Variants in CNNM1 observed in about 807,000 individuals in gnomAD.
CNNM1 encodes cyclin and CBS domain divalent metal cation transport mediator 1.
Under a neutral mutation model 78.8 loss-of-function variants are expected in CNNM1, and 44 were observed. The ratio of observed to expected loss-of-function variants is 0.56; its 90% CI spans 0.44 to 0.72. The LOEUF is 0.72. Among genes scored for constraint, CNNM1 ranks in the 30% least tolerant of loss-of-function variants. CNNM1 has a pLI of 0.00. For synonymous variants in CNNM1, 584 were observed against 581.5 expected, an observed-to-expected ratio of 1.00 and a Z score of -0.06; for missense variants, 1,101 against 1,292.2, an observed-to-expected ratio of 0.85 and a Z score of 2.27.
chr10:99,357,453 C>CA (rs946561682), intron 1 of CNNM1, 59 bp from the exon 2 acceptor site: 10 of 1,542,272 alleles, frequency 6.5e-6, no homozygotes, highest in Admixed American at 1.8e-5. Flanking sequence ...ATTTTTCTCA[C>CA]AAAAAAAGAT....
chr10:99,389,957 G>A (rs1257182890), intron 9 of CNNM1, among the ~76,000 whole-genome samples: 2 of 152,148 alleles, frequency 1.3e-5, no homozygotes, highest in African/African-American at 4.8e-5. Context: ...CTATCCTCAC[G>A]TGTGCTTTTA....
chr10:99,391,039 C>T (rs1410354031), intron 10 of CNNM1, among the ~76,000 whole-genome samples: 1 of 152,264 alleles, frequency 6.6e-6, no homozygotes, highest in African/African-American at 2.4e-5. Context: ...CAGCTACAGC[C>T]ACCAACCCTG....
intron 7 of CNNM1, among the ~76,000 whole-genome samples, chr10:99,386,388 A>C (rs986087193): frequency 1.3e-5 from 2 of 152,192 alleles, no homozygotes; most frequent in Admixed American, 6.5e-5. Flanking sequence ...AGTTAAACCC[A>C]AAAATCTTGT....
chr10:99,329,620 C>A lies in CNNM1; in HGVS notation c.233C>A (p.Pro78Gln). The part of the protein sequence containing the change: ...TSFLLRVYFQ[P>Q]GPPATAAPVP... ...TTCCTCCTGCGTGTCTATTTCCAGC[C>A]AGGACCGCCGGCCACCGCCGCACCG... Residue 78 changes from proline to glutamine, a missense_variant, in exon 1 of 11, where the codon CCA becomes CAA. Transcript: ENST00000356713. The A allele has an allele frequency of 1.3e-6, 2 of 1,509,058 alleles. No homozygotes were observed. The highest frequency in any genetic ancestry group is 1.8e-6 in the Non-Finnish European group (2 of 1,137,500). The allele number at this position is 1,509,058 out of a possible 1,614,324, so 93.5% of individuals were successfully genotyped here.
chr10:99,337,983 T>C (rs1448206664), intron 1 of CNNM1, among the ~76,000 whole-genome samples: 3 of 152,248 alleles, frequency 2.0e-5, no homozygotes, highest in Admixed American at 6.5e-5. Context: ...TAATATTTAT[T>C]ACAACAATTT....
At chr10:99,348,092 G>C (rs1364225316) in intron 1 of CNNM1, among the ~76,000 whole-genome samples, 2 of 150,880 alleles carry the variant, frequency 1.3e-5, no homozygotes, top group African/African-American at 4.9e-5. Flanking sequence ...ACCCAGGCTG[G>C]TGTGCATTGG....
intron 1 of CNNM1, among the ~76,000 whole-genome samples, chr10:99,331,443 A>T (rs184285521): frequency 6.6e-6 from 1 of 152,348 alleles, no homozygotes; most frequent in Admixed American, 6.5e-5. Context: ...CCTCATATAG[A>T]GCAGAATTTG....
chr10:99,364,958 A>G lies in CNNM1; in HGVS notation c.2132A>G (p.Asn711Ser), dbSNP rs1337426595. Residue 711 changes from asparagine to serine, a missense_variant, in exon 6 of 11, where the codon AAT becomes AGT. This residue lies in a region of CNNM1 where 348 missense variants were observed against 384.5 expected (regional missense o/e 0.90). Coordinates refer to ENST00000356713, the MANE Select transcript of CNNM1 (RefSeq NM_020348.3). Reference protein sequence around the residue: ...PAIMTTACSDNDVRKVGSLAG... With the variant: ...PAIMTTACSDSDVRKVGSLAG... The stretch of plus-strand genomic sequence containing the variant: ...CACTGCATGCTTCTGTCCTTAGATA[A>G]TGACGTGCGGAAGGTTGGAAGTCTG... 6.2e-7 allele frequency: 1 copy of G among 1,613,754 alleles called. No homozygotes were observed. Among genetic ancestry groups the G allele is most frequent in the African/African-American group, 1.3e-5 (1 of 74,904 alleles).
chr10:99,370,544 A>G lies in CNNM1; in HGVS notation c.2176+5542A>G, dbSNP rs75512081. Among the ~76,000 whole-genome samples the G allele has an allele frequency of 5.3e-5, 8 of 152,190 alleles. No individual in the cohort carries two copies. The East Asian group carries it at 1.4e-3, about 26-fold the overall frequency. On this transcript the variant is annotated intron_variant, in intron 6 of 10. Coordinates refer to ENST00000356713, the MANE Select transcript of CNNM1 (RefSeq NM_020348.3). ...CCTCTGTCACTCTTGCTTTTGTTCC[A>G]AATCATTAAAAGAAGTAGCCTCAGA...
chr10:99,342,528 A>G (rs1476453306), intron 1 of CNNM1, among the ~76,000 whole-genome samples: 12 of 152,196 alleles, frequency 7.9e-5, no homozygotes, highest in Non-Finnish European at 1.8e-4. Context: ...TAATTACTAT[A>G]AAGTACAGCC....
In CNNM1 at chr10:99,329,510, G is replaced by A; in HGVS notation, c.123G>A (p.Trp41Ter). Reference protein sequence around the residue: ...LSPRPPAAAAWLLGLRPEDTA... With the variant: ...LSPRPPAAAA ...CTCGGCCCCCGGCCGCCGCCGCCTG[G>A]CTGCTGGGCCTGCGGCCCGAGGACA... Residue 41 changes from tryptophan to a stop codon, truncating the protein, a stop_gained, in exon 1 of 11, where the codon TGG (tryptophan) becomes TGA (stop). Coordinates refer to ENST00000356713, the MANE Select transcript of CNNM1 (RefSeq NM_020348.3). LOFTEE classifies it high-confidence loss of function. The A allele has an allele frequency of 6.6e-7, 1 of 1,509,696 alleles. No individual in the cohort carries two copies. The highest frequency in any genetic ancestry group is 8.8e-7 in the Non-Finnish European group (1 of 1,135,776). The allele number at this position is 1,509,696 out of a possible 1,614,324, so 93.5% of individuals were successfully genotyped here.
chr10:99,338,239 A>T (rs2030278853), intron 1 of CNNM1, among the ~76,000 whole-genome samples: 1 of 152,168 alleles, frequency 6.6e-6, no homozygotes, highest in South Asian at 2.1e-4. Context: ...GTGCTATACT[A>T]GAAATGCAAA....
intron 7 of CNNM1, 57 bp downstream of exon 7, chr10:99,377,275 A>G: frequency 6.5e-7 from 1 of 1,541,810 alleles, no homozygotes; most frequent in South Asian, 1.2e-5. Context: ...TGGCTGGCTG[A>G]GCGGGACAAG....
At chr10:99,341,867 A>G (rs966463617) in intron 1 of CNNM1, among the ~76,000 whole-genome samples, 1 of 152,198 alleles carries the variant, frequency 6.6e-6, no homozygotes, top group African/African-American at 2.4e-5. Context: ...AATGTTTTAT[A>G]CCCATTCCTG....
chr10:99,368,557 T>C (rs2031696706), intron 6 of CNNM1: 2 of 1,113,284 alleles, frequency 1.8e-6, no homozygotes, highest in Admixed American at 4.6e-5. Context: ...TTTGTCTCTT[T>C]CCTTTTGTGT....
chr10:99,348,964 G>A (rs1054109515), intron 1 of CNNM1, among the ~76,000 whole-genome samples: 1 of 152,172 alleles, frequency 6.6e-6, no homozygotes, highest in Admixed American at 6.5e-5. Context: ...TAGCTACTCA[G>A]GAGGCTGAGG....
At chr10:99,369,446 G>A (rs2031731667) in intron 6 of CNNM1, among the ~76,000 whole-genome samples, 2 of 152,086 alleles carry the variant, frequency 1.3e-5, no homozygotes, top group African/African-American at 4.8e-5. Context: ...CGTTGCTGGG[G>A]TAATGATACT....
At chr10:99,346,956 A>G (rs994694065) in intron 1 of CNNM1, among the ~76,000 whole-genome samples, 5 of 152,162 alleles carry the variant, frequency 3.3e-5, no homozygotes, top group Admixed American at 6.5e-5. Flanking sequence ...ACGCAGAAAC[A>G]GAAAACCAAA....
Position 99,389,439 on chromosome 10 carries a change from AT to A in CNNM1, c.2675-864del, listed in dbSNP as rs760429447. ...CTCAAAAAAAAAAAAAAAAAAAAAA[AT>A]TTAAAGTCAACAAGACAATATGTTT... On this transcript the variant is annotated intron_variant, in intron 9 of 10. Coordinates refer to ENST00000356713, the MANE Select transcript of CNNM1 (RefSeq NM_020348.3). 1.8e-3 allele frequency among the ~76,000 whole-genome samples: 260 copies of A among 140,654 alleles called. 1 individual carries two copies. Among genetic ancestry groups the A allele is most frequent in the Middle Eastern group, 3.8e-3 (1 of 264 alleles). The allele number at this position is 140,654 out of a possible 152,430, so 92.3% of individuals were successfully genotyped here. A position where few individuals can be genotyped will look rare whatever the true frequency, so the allele number is the denominator to read the frequency against.
Sources: allele counts gnomAD v4.1 joint callset (sites outside exome capture counted in the v4.1 genomes callset), GRCh38; gene constraint gnomAD v4.1.1; regional missense constraint gnomAD v4.1.1; transcripts MANE v1.5; gene names NCBI Gene and HGNC (gene_info 2026-07-23, HGNC 2026-07-21).